The following SPATA20 variants were observed in gnomAD, a reference collection of about 807,000 sequenced individuals.
SPATA20 encodes the protein spermatogenesis-associated protein 20.
SPATA20 carries 74 observed loss-of-function variants against 98.9 expected under a neutral mutation model. That is an observed-to-expected ratio of 0.75 (90% CI 0.62 to 0.91). The LOEUF is 0.91. SPATA20 is among the 40% of genes least tolerant of loss of function. The pLI is 0.00. For synonymous variants in SPATA20, 430 were observed against 440.5 expected (o/e 0.98, Z 0.30); for missense variants, 1,016 against 1,069.8 (o/e 0.95, Z 0.70).
Position 50,551,181 on chromosome 17 carries a change from G to A in SPATA20, c.1567G>A (p.Ala523Thr). The change falls in exon 12 of 17, where the codon GCC becomes ACC. Residue 523 changes from alanine to threonine, a missense_variant. Ala to Thr is a moderately conservative substitution (Grantham distance 58). Transcript: ENST00000006658. ...KPHLDSKMLA[A>T]WNGLMVSGYA... is the part of the protein sequence containing the mutation. ...GCACCTGGACAGCAAGATGCTGGCT[G>A]CCTGGAATGGTGGGGCAGCACACCT... 1 of 1,608,560 alleles carries A rather than the reference G, an allele frequency of 6.2e-7. No individual in the cohort carries two copies. The highest frequency in any genetic ancestry group is 8.5e-7 in the Non-Finnish European group (1 of 1,178,036).
In SPATA20 at chr17:50,547,780, T is replaced by G; in HGVS notation, c.125+13T>G. The G allele has an allele frequency of 1.3e-6, 1 of 790,918 alleles. No individual in the cohort carries two copies. The highest frequency in any genetic ancestry group is 2.3e-6 in the Non-Finnish European group (1 of 427,602). The allele number at this position is 790,918 out of a possible 1,614,324, so 49.0% of individuals were successfully genotyped here. A position where few individuals can be genotyped will look rare whatever the true frequency, so the allele number is the denominator to read the frequency against. ...GGAGTCCCAGCAGGTGGGCGCTGAGTGAGGGAGTCCCCATGTCTGGTTTCC... is the reference window on the plus strand; with the variant it reads ...GGAGTCCCAGCAGGTGGGCGCTGAGGGAGGGAGTCCCCATGTCTGGTTTCC... On this transcript the variant is annotated intron_variant, in intron 2 of 16. Transcript: ENST00000006658.
chr17:50,550,045 G>A lies in SPATA20; in HGVS notation c.923G>A (p.Arg308Gln), dbSNP rs371657248. ...LSHRLTQDGS[R>Q]AQQMALHTLK... is the part of the protein sequence containing the mutation. The stretch of plus-strand genomic sequence containing the variant: ...CATCGACTGACTCAGGATGGCTCTC[G>A]GGCCCAGCAGATGGCCTTGCATACC... Residue 308 changes from arginine to glutamine, a missense_variant, in exon 8 of 17, where the codon CGG (arginine) becomes CAG (glutamine). Transcript: ENST00000006658. 1.4e-5 allele frequency: 22 copies of A among 1,601,836 alleles called. No individual in the cohort carries two copies. Among genetic ancestry groups the A allele is most frequent in the Middle Eastern group, 3.3e-4 (2 of 6,032 alleles).
At position 50,548,865 on chromosome 17, in the gene SPATA20, TGAG is replaced by T; in HGVS notation, c.421_423del (p.Glu141del). ...TGATGGAAGAGGAGTCCTTCCAGAA[TGAG>T]GAGATTGGCCGCCTGCTCAGTGAGG... On this transcript the variant is annotated inframe_deletion, in exon 5 of 17. Coordinates refer to ENST00000006658, the MANE Select transcript of SPATA20 (RefSeq NM_022827.4). 6 of 1,614,088 alleles carry T rather than the reference TGAG, an allele frequency of 3.7e-6. No homozygotes were observed. Among genetic ancestry groups the T allele is most frequent in the Non-Finnish European group, 5.1e-6 (6 of 1,179,984 alleles).
At position 50,555,630 on chromosome 17, in the gene SPATA20, C is replaced by A. The variant is rs768562005; in HGVS notation, c.2377C>A (p.Pro793Thr). 3.7e-6 allele frequency: 6 copies of A among 1,613,890 alleles called. No individual in the cohort carries two copies. The African/African-American group carries it at 8.0e-5, about 22-fold the overall frequency. ...AGCCTGCTCAGTGCCCATCACTGAT[C>A]CCTGCGAATTACGAAAACTACTACA... ...NQACSVPITD[P>T]CELRKLLHP Residue 793 changes from proline (P) to threonine (T), a missense_variant, in exon 17 of 17, where the codon CCC (proline) becomes ACC (threonine). Physicochemically the swap from Pro to Thr is conservative, Grantham distance 38. Coordinates refer to ENST00000006658, the MANE Select transcript of SPATA20 (RefSeq NM_022827.4).
intron 7 of SPATA20, 56 bp from the exon 8 acceptor site, chr17:50,549,929 G>A (rs1309855776): frequency 1.5e-5 from 22 of 1,515,058 alleles, no homozygotes; most frequent in South Asian, 6.6e-5. Flanking sequence ...TGACCACCCC[G>A]ATCTCTGTCC....
chr17:50,550,317 C>T lies in SPATA20; in HGVS notation c.1098+5C>T, dbSNP rs769228040. On this transcript the variant is annotated splice_donor_5th_base_variant and intron_variant, in intron 9 of 16. Transcript: ENST00000006658. ...GCCTATTCGCAGGCCTTCCAGGTGA[C>T]CCCTGACCCCAGCCCAGAGAACAGG... The T allele has an allele frequency of 1.1e-5, 17 of 1,569,918 alleles. No individual in the cohort carries two copies. The highest frequency in any genetic ancestry group is 4.5e-5 in the East Asian group (2 of 44,392).
rs1423186018 is a variant in SPATA20, at chr17:50,554,409, A to G, written c.2116A>G (p.Met706Val). ...MRRVPVALPEMVRALSAQQQT... is the reference protein window; with the variant it reads ...MRRVPVALPEVVRALSAQQQT... ...TCGTGTCCCGGTGGCGTTGCCCGAG[A>G]TGGTCCGCGCCCTCTCAGCCCAGCA... Residue 706 changes from methionine (M) to valine (V), a missense_variant, in exon 15 of 17, where the codon ATG (methionine) becomes GTG (valine). Transcript: ENST00000006658. 8.1e-6 allele frequency: 13 copies of G among 1,613,208 alleles called. No individual in the cohort carries two copies. The highest frequency in any genetic ancestry group is 1.1e-5 in the Non-Finnish European group (13 of 1,179,944).
At chr17:50,551,266 T>C in intron 12 of SPATA20, 76 bp downstream of exon 12, 4 of 1,379,616 alleles carry the variant, frequency 2.9e-6, no homozygotes, top group Non-Finnish European at 3.9e-6. Context: ...CGGCAGCGGC[T>C]AAATGCTCAC....
intron 9 of SPATA20, 54 bp downstream of exon 9, chr17:50,550,366 C>A: frequency 1.4e-6 from 2 of 1,442,454 alleles, no homozygotes; most frequent in Non-Finnish European, 1.9e-6. Context: ...CTGCCCCTCC[C>A]AAGGCCTTCC....
rs1490137643 is a variant in SPATA20 at position 50,552,030 on chromosome 17, C to T, written c.1807C>T (p.Leu603=). 4 of 1,613,690 alleles carry T rather than the reference C, an allele frequency of 2.5e-6. No homozygotes were observed. Among genetic ancestry groups the T allele is most frequent in the Non-Finnish European group, 3.4e-6 (4 of 1,179,890 alleles). ...CTTCGTGGTGCGGGGCCTGCTGGAC[C>T]TGTATGAGGCCTCACAGGAGAGTGC... The part of the protein sequence containing the change: ...YAFVVRGLLD[L]YEASQESAWL... Residue 603 remains leucine, a synonymous_variant, in exon 14 of 17, where the codon CTG becomes TTG. Transcript: ENST00000006658.
At chr17:50,548,645 G>C (rs1313620351) in intron 4 of SPATA20, 27 bp downstream of exon 4, 23 of 1,609,832 alleles carry the variant, frequency 1.4e-5, no homozygotes, top group Non-Finnish European at 2.0e-5. Context: ...CCCTGATGTG[G>C]GGGTGTGGGC....
chr17:50,550,083 G>A lies in SPATA20; in HGVS notation c.961G>A (p.Ala321Thr). 6.2e-7 allele frequency: 1 copy of A among 1,612,234 alleles called. No individual in the cohort carries two copies. Among genetic ancestry groups the A allele is most frequent in the Middle Eastern group, 1.7e-4 (1 of 6,054 alleles). ...GGCCTTGCATACCCTGAAAATGATGGCTAACGGGGGCATCCGGGACCATGT... is the reference window on the plus strand; with the variant it reads ...GGCCTTGCATACCCTGAAAATGATGACTAACGGGGGCATCCGGGACCATGT... ...QMALHTLKMM[A>T]NGGIRDHVGQ... Residue 321 changes from alanine to threonine, a missense_variant, in exon 8 of 17, where the codon GCT (alanine) becomes ACT (threonine). By Grantham distance (58) the Ala-to-Thr change is moderately conservative (BLOSUM62 0). Coordinates refer to ENST00000006658, the MANE Select transcript of SPATA20 (RefSeq NM_022827.4).
In SPATA20 at chr17:50,555,766, C is replaced by A; in HGVS notation, c.*104C>A. The A allele has an allele frequency of 9.5e-7, 1 of 1,053,250 alleles. No individual in the cohort carries two copies. Among genetic ancestry groups the A allele is most frequent in the Non-Finnish European group, 1.4e-6 (1 of 739,038 alleles). 65.2% of individuals were successfully genotyped at this position (1,053,250 alleles called of 1,614,324 possible). Reference sequence around the variant, plus strand: ...AGAACCTGTGGCCATCCCTGAGCACCCTGCCACCAGGTGACCTCGGCCATA... The same window carrying A: ...AGAACCTGTGGCCATCCCTGAGCACACTGCCACCAGGTGACCTCGGCCATA... On this transcript the variant is annotated 3_prime_UTR_variant, in exon 17 of 17. Coordinates refer to ENST00000006658, the MANE Select transcript of SPATA20 (RefSeq NM_022827.4).
chr17:50,549,487 G>A lies in SPATA20; in HGVS notation c.862G>A (p.Val288Met). The change falls in exon 7 of 17, where the codon GTG becomes ATG. Residue 288 changes from valine to methionine, a missense_variant and splice_region_variant. Val to Met is a conservative substitution (Grantham distance 21, BLOSUM62 1). Transcript: ENST00000006658. ...TGAGGCCCCCAAGTTTCCCACGCCGGGTCAGTGCCCCACGCCCGCCTTAGC... is the reference window on the plus strand; with the variant it reads ...TGAGGCCCCCAAGTTTCCCACGCCGAGTCAGTGCCCCACGCCCGCCTTAGC... The part of the protein sequence containing the change: ...FAEAPKFPTP[V>M]ILSFLFSYWL... The A allele has an allele frequency of 1.2e-6, 2 of 1,610,858 alleles. No homozygotes were observed. The highest frequency in any genetic ancestry group is 1.7e-6 in the Non-Finnish European group (2 of 1,179,550).
At chr17:50,553,645 T>G (rs2035050524) in intron 14 of SPATA20, among the ~76,000 whole-genome samples, 1 of 151,400 alleles carries the variant, frequency 6.6e-6, no homozygotes, top group Admixed American at 6.6e-5. Flanking sequence ...TCCCAGGTGC[T>G]GGGACTACAG....
chr17:50,549,500 C>A lies in SPATA20; in HGVS notation c.862+13C>A, dbSNP rs375058862. ...TTTCCCACGCCGGGTCAGTGCCCCA[C>A]GCCCGCCTTAGCCCAGGCTTTGGCC... is the stretch of plus-strand genomic sequence containing the variant. On this transcript the variant is annotated intron_variant, in intron 7 of 16. Coordinates refer to ENST00000006658, the MANE Select transcript of SPATA20 (RefSeq NM_022827.4). The A allele has an allele frequency of 1.2e-6, 2 of 1,607,764 alleles. No homozygotes were observed. The highest frequency in any genetic ancestry group is 1.7e-6 in the Non-Finnish European group (2 of 1,178,192).
In SPATA20 at chr17:50,551,109, T is replaced by A. The variant is rs9913430; in HGVS notation, c.1495T>A (p.Ser499Thr). 0.29 allele frequency: 459,758 copies of A among 1,612,064 alleles called. 75,652 individuals carry two copies. Among genetic ancestry groups the A allele is most frequent in the African/African-American group, 0.71 (53,069 of 74,958 alleles). ...GGAGGCCGTGCGGACCTTGCTCAAT[T>A]CAGGGCTGGAGAAGCTCTTCCAGGC... ...DVEAVRTLLN[S>T]GLEKLFQARK... is the part of the protein sequence containing the mutation. The change falls in exon 12 of 17, where the codon TCA becomes ACA. Residue 499 changes from serine to threonine, a missense_variant. Coordinates refer to ENST00000006658, the MANE Select transcript of SPATA20 (RefSeq NM_022827.4).
intron 1 of SPATA20, chr17:50,547,515 A>C (rs2034932674): frequency 1.5e-6 from 1 of 657,836 alleles, no homozygotes; most frequent in Non-Finnish European, 2.8e-6. Context: ...CTTCCAGTGC[A>C]GTGCCAGCTC....
chr17:50,552,692 G>C (rs1337669332), intron 14 of SPATA20, among the ~76,000 whole-genome samples: 1 of 151,192 alleles, frequency 6.6e-6, no homozygotes, highest in East Asian at 2.0e-4. Flanking sequence ...CTCCTGAGTA[G>C]CTAGGACTAT....
Sources: allele counts gnomAD v4.1 joint callset (sites outside exome capture counted in the v4.1 genomes callset), GRCh38; gene constraint gnomAD v4.1.1; transcripts MANE v1.5; gene names NCBI Gene and HGNC (gene_info 2026-07-23, HGNC 2026-07-21).